PDZRN3: variants seen among roughly 807,000 people sequenced by gnomAD.
The protein encoded by PDZRN3 is E3 ubiquitin-protein ligase PDZRN3.
PDZRN3 carries 38 observed loss-of-function variants against 85.7 expected under a neutral mutation model. The observed-to-expected ratio is 0.44, with a 90% CI of 0.34 to 0.58. PDZRN3 has a LOEUF of 0.58. PDZRN3 is among the 20% of genes least tolerant of loss of function. The probability of loss-of-function intolerance (pLI) is 0.01; values close to 1 mark genes in which losing one functional copy is unlikely to be tolerated. For synonymous variants in PDZRN3, 759 were observed against 638.0 expected (o/e 1.19, Z -2.86); for missense variants, 1,629 against 1,506.4 (o/e 1.08, Z -1.35).
chr3:73,502,164 G>GA (rs148838732), intron 3 of PDZRN3, among the ~76,000 whole-genome samples: 11,954 of 152,210 alleles, frequency 0.079, 662 homozygotes, highest in South Asian at 0.21. Context: ...GGCTAAGTGA[G>GA]AAAAAAATAA....
chr3:73,566,028 C>T (rs1489031936), intron 3 of PDZRN3, among the ~76,000 whole-genome samples: 2 of 152,020 alleles, frequency 1.3e-5, no homozygotes, highest in East Asian at 1.9e-4. Context: ...CAGCTGAAAG[C>T]CTGAATATCC....
At chr3:73,463,240 C>A (rs879760339) in intron 3 of PDZRN3, among the ~76,000 whole-genome samples, 1 of 152,154 alleles carries the variant, frequency 6.6e-6, no homozygotes, top group African/African-American at 2.4e-5. Context: ...GAAAGGATTA[C>A]CCAAAGCATG....
chr3:73,483,056 T>C (rs1343066790), intron 3 of PDZRN3, among the ~76,000 whole-genome samples: 2 of 152,184 alleles, frequency 1.3e-5, no homozygotes, highest in Non-Finnish European at 2.9e-5. Context: ...TGCTTTATAA[T>C]CCAGGGTAGA....
chr3:73,586,748 ACAAATCTC>A (rs1431775084), intron 3 of PDZRN3, among the ~76,000 whole-genome samples: 1 of 152,222 alleles, frequency 6.6e-6, no homozygotes, highest in African/African-American at 2.4e-5. Flanking sequence ...TCAAGCTGAT[ACAAATCTC>A]CTCAACTGGA....
intron 3 of PDZRN3, among the ~76,000 whole-genome samples, chr3:73,495,673 C>T (rs59729662): frequency 0.038 from 4,136 of 108,316 alleles, 163 homozygotes; most frequent in African/African-American, 0.099. Context: ...AGCCTCTTTA[C>T]ACACATAAGG....
chr3:73,407,197 A>G lies in PDZRN3; in HGVS notation c.919-2802T>C, dbSNP rs570578699. ...CTGAGGTTTTGTCCATCCTTAAACTAGGACTAAACTAGGACATGAGATAGG... is the reference window on the plus strand; with the variant it reads ...CTGAGGTTTTGTCCATCCTTAAACTGGGACTAAACTAGGACATGAGATAGG... On this transcript the variant is annotated intron_variant, in intron 3 of 9. Transcript: ENST00000263666. 8.5e-5 allele frequency among the ~76,000 whole-genome samples: 13 copies of G among 152,338 alleles called. No homozygotes were observed. The East Asian group carries it at 2.5e-3, about 29-fold the overall frequency.
At position 73,624,913 on chromosome 3, in the gene PDZRN3, C is replaced by A; in HGVS notation, c.-88G>T. On this transcript the variant is annotated 5_prime_UTR_variant, in exon 1 of 10. Transcript: ENST00000263666. ...CGGCCCAGACAGGCCGGCTACGCCG[C>A]CCGCGCGCTCGCTGGCTCTCCCCGG... is the stretch of plus-strand genomic sequence containing the variant. The A allele has an allele frequency of 9.5e-7, 1 of 1,056,208 alleles. No individual in the cohort carries two copies. Among genetic ancestry groups the A allele is most frequent in the Non-Finnish European group, 1.2e-6 (1 of 825,970 alleles). 65.4% of individuals were successfully genotyped at this position (1,056,208 alleles called of 1,614,324 possible).
chr3:73,452,839 C>CTATGTGTGTGTGTGTG (rs1553690746), intron 3 of PDZRN3, among the ~76,000 whole-genome samples: 7 of 140,618 alleles, frequency 5.0e-5, no homozygotes, highest in African/African-American at 1.6e-4. Flanking sequence ...GTCCATATAT[C>CTATGTGTGTGTGTGTG]TGTGTGTGTG....
At position 73,383,885 on chromosome 3, in the gene PDZRN3, T is replaced by G. The variant is rs765367520; in HGVS notation, c.2681A>C (p.Glu894Ala). ...MQLIQQKSAV[E>A]YAQSQMSLVS... Reference sequence around the variant, plus strand: ...CAGGCTCATCTGGCTTTGCGCGTACTCCACGGCCGACTTCTGCTGGATCAG... The same window carrying G: ...CAGGCTCATCTGGCTTTGCGCGTACGCCACGGCCGACTTCTGCTGGATCAG... Residue 894 changes from glutamate to alanine, a missense_variant, in exon 10 of 10, where the codon GAG becomes GCG. Physicochemically the swap from Glu to Ala is moderately radical, Grantham distance 107. Transcript: ENST00000263666. The G allele has an allele frequency of 7.4e-6, 12 of 1,613,110 alleles. No homozygotes were observed. In the South Asian group the frequency reaches 1.2e-4, roughly 16 times the overall value.
chr3:73,516,526 T>G (rs1488622574), intron 3 of PDZRN3, among the ~76,000 whole-genome samples: 2 of 152,236 alleles, frequency 1.3e-5, no homozygotes, highest in Admixed American at 1.3e-4. Flanking sequence ...TTCCTTGACA[T>G]GTAGAAACAC....
intron 3 of PDZRN3, among the ~76,000 whole-genome samples, chr3:73,547,495 C>T (rs986865669): frequency 4.6e-4 from 70 of 152,338 alleles, no homozygotes; most frequent in African/African-American, 1.6e-3. Context: ...GTGCAGTGGC[C>T]TGCAAGCGGG....
chr3:73,544,062 A>G (rs1270807875), intron 3 of PDZRN3, among the ~76,000 whole-genome samples: 2 of 152,148 alleles, frequency 1.3e-5, no homozygotes, highest in Non-Finnish European at 2.9e-5. Context: ...AAAATACAAA[A>G]ATCAGCTGGG....
chr3:73,404,486 A>G, intron 3 of PDZRN3, 91 bp from the exon 4 acceptor site: 1 of 1,379,340 alleles, frequency 7.2e-7, no homozygotes, highest in Non-Finnish European at 9.9e-7. Context: ...ATGTGTAAGC[A>G]GCTAAAAGAA....
rs757871353 is a variant in PDZRN3, at chr3:73,624,089, C to G, written c.723+14G>C. ...GATCCTGGCTGGAGGTCGGGGCGGG[C>G]AGCAGGCGCCTACCTTGCCGCCGGG... On this transcript the variant is annotated intron_variant, in intron 1 of 9. Coordinates refer to ENST00000263666, the MANE Select transcript of PDZRN3 (RefSeq NM_015009.3). 1 of 1,432,210 alleles carries G rather than the reference C, an allele frequency of 7.0e-7. No homozygotes were observed. The highest frequency in any genetic ancestry group is 1.4e-5 in the South Asian group (1 of 69,482). The allele number at this position is 1,432,210 out of a possible 1,614,324, so 88.7% of individuals were successfully genotyped here.
chr3:73,610,740 C>T (rs1175130325), intron 1 of PDZRN3, among the ~76,000 whole-genome samples: 1 of 152,060 alleles, frequency 6.6e-6, no homozygotes, highest in Non-Finnish European at 1.5e-5. Context: ...TCAAGTGATG[C>T]ACAAAGAATA....
chr3:73,578,858 T>A (rs1411302789), intron 3 of PDZRN3, among the ~76,000 whole-genome samples: 1 of 152,132 alleles, frequency 6.6e-6, no homozygotes, highest in Non-Finnish European at 1.5e-5. Context: ...TCTTGAACTG[T>A]GTGAAAAATT....
intron 3 of PDZRN3, among the ~76,000 whole-genome samples, chr3:73,427,080 G>A (rs1403709213): frequency 2.0e-5 from 3 of 152,144 alleles, no homozygotes; most frequent in South Asian, 2.1e-4. Context: ...CATGAGGCAG[G>A]CAATTAGTAG....
intron 3 of PDZRN3, among the ~76,000 whole-genome samples, chr3:73,599,107 A>G (rs1702473581): frequency 6.6e-6 from 1 of 152,222 alleles, no homozygotes. Context: ...TATAAACACA[A>G]CAGAGTTTTT....
chr3:73,527,003 C>T (rs1467455812), intron 3 of PDZRN3, among the ~76,000 whole-genome samples: 1 of 152,138 alleles, frequency 6.6e-6, no homozygotes, highest in Non-Finnish European at 1.5e-5. Context: ...TGCTCATCAC[C>T]ACCCCCAGCT....
Sources: allele counts gnomAD v4.1 joint callset (sites outside exome capture counted in the v4.1 genomes callset), GRCh38; gene constraint gnomAD v4.1.1; transcripts MANE v1.5; gene names NCBI Gene and HGNC (gene_info 2026-07-23, HGNC 2026-07-21).